The following SEMA3E variants were observed in gnomAD, a reference collection of about 807,000 sequenced individuals.
The protein encoded by SEMA3E is semaphorin 3E.
A neutral mutation model predicts 93.6 loss-of-function variants in SEMA3E; 49 were observed. The ratio of observed to expected loss-of-function variants is 0.52; its 90% confidence interval spans 0.42 to 0.66. The LOEUF is 0.66. Among genes scored for constraint, SEMA3E ranks in the 30% least tolerant of loss-of-function variants. SEMA3E has a pLI of 0.00. For missense variants in SEMA3E, 906 were observed against 964.8 expected, an observed-to-expected ratio of 0.94 and a Z score of 0.81; for synonymous variants, 363 against 330.7, an observed-to-expected ratio of 1.10 and a Z score of -1.06.
chr7:83,500,845 C>T (rs1790584849), intron 1 of SEMA3E, among the ~76,000 whole-genome samples: 1 of 152,070 alleles, frequency 6.6e-6, no homozygotes, highest in African/African-American at 2.4e-5. Context: ...CCTGCCTCGC[C>T]CTCCCAAAGT....
chr7:83,507,622 G>C (rs1240451409), intron 1 of SEMA3E, among the ~76,000 whole-genome samples: 1 of 151,884 alleles, frequency 6.6e-6, no homozygotes, highest in Non-Finnish European at 1.5e-5. Flanking sequence ...CTTTGCAATA[G>C]GGAAAAGAAA....
At chr7:83,465,588 T>G (rs922973691) in intron 4 of SEMA3E, among the ~76,000 whole-genome samples, 16 of 152,164 alleles carry the variant, frequency 1.1e-4, no homozygotes, top group African/African-American at 3.9e-4. Context: ...TATTAATATT[T>G]TATGGCCACT....
At position 83,380,282 on chromosome 7, in the gene SEMA3E, G is replaced by C. The variant is rs1429619815; in HGVS notation, c.1875+5012C>G. On this transcript the variant is annotated intron_variant, in intron 16 of 16. Coordinates refer to ENST00000643230, the MANE Select transcript of SEMA3E (RefSeq NM_012431.3). ...TTTCTACTAATACTGTTTAGTTCAT[G>C]TGGCACAAAATTTTTTCAATAACTA... 2.0e-5 allele frequency among the ~76,000 whole-genome samples: 3 copies of C among 151,812 alleles called. No individual in the cohort carries two copies. The South Asian group carries it at 6.2e-4, about 32-fold the overall frequency.
chr7:83,636,200 T>G (rs2115690612), intron 1 of SEMA3E, among the ~76,000 whole-genome samples: 1 of 152,240 alleles, frequency 6.6e-6, no homozygotes, highest in African/African-American at 2.4e-5. Flanking sequence ...TTTACAGATA[T>G]TTTCTGAATA....
chr7:83,375,667 G>A (rs1262456975), intron 16 of SEMA3E, among the ~76,000 whole-genome samples: 3 of 152,036 alleles, frequency 2.0e-5, no homozygotes, highest in Non-Finnish European at 4.4e-5. Flanking sequence ...GCATTACCAT[G>A]TTATCCGGTT....
At chr7:83,408,618 G>A (rs1224016280) in intron 5 of SEMA3E, 131 bp from the exon 6 acceptor site, 2 of 1,053,038 alleles carry the variant, frequency 1.9e-6, no homozygotes, top group East Asian at 5.2e-5. Flanking sequence ...TTAGGAGCAT[G>A]GATGGTATAG....
At chr7:83,447,381 A>C (rs1333519125) in intron 4 of SEMA3E, among the ~76,000 whole-genome samples, 4 of 152,030 alleles carry the variant, frequency 2.6e-5, no homozygotes, top group South Asian at 4.2e-4. Flanking sequence ...CTAAAAATAC[A>C]AAAGAAACTA....
At chr7:83,411,719 G>C (rs1182615601) in intron 5 of SEMA3E, among the ~76,000 whole-genome samples, 1 of 151,960 alleles carries the variant, frequency 6.6e-6, no homozygotes, top group African/African-American at 2.4e-5. Context: ...TATCAGAAAA[G>C]TTGTGAATCA....
At chr7:83,478,534 T>C (rs1790071373) in intron 2 of SEMA3E, among the ~76,000 whole-genome samples, 1 of 152,204 alleles carries the variant, frequency 6.6e-6, no homozygotes, top group Non-Finnish European at 1.5e-5. Flanking sequence ...GGGCTATTCA[T>C]ACAGAACATA....
intron 16 of SEMA3E, among the ~76,000 whole-genome samples, chr7:83,376,346 C>T (rs1203835047): frequency 1.3e-5 from 2 of 152,004 alleles, no homozygotes; most frequent in Non-Finnish European, 2.9e-5. Flanking sequence ...GGAGATTTTA[C>T]TTCATAATTC....
chr7:83,568,005 A>G (rs1199542253), intron 1 of SEMA3E, among the ~76,000 whole-genome samples: 1 of 151,062 alleles, frequency 6.6e-6, no homozygotes, highest in African/African-American at 2.4e-5. Context: ...TCTAATCAAG[A>G]AAAAAAAACT....
At chr7:83,574,501 C>A (rs1584340631) in intron 1 of SEMA3E, among the ~76,000 whole-genome samples, 1 of 150,352 alleles carries the variant, frequency 6.7e-6, no homozygotes, top group Non-Finnish European at 1.5e-5. Flanking sequence ...AGATTGTTTG[C>A]AAAATAGCCA....
chr7:83,387,907 A>ACATTATATATATAT, intron 14 of SEMA3E, among the ~76,000 whole-genome samples: 1 of 132,532 alleles, frequency 7.5e-6, no homozygotes, highest in African/African-American at 3.6e-5. Flanking sequence ...TATATATATA[A>ACATTATATATATAT]AATTCCAGAA....
At chr7:83,580,462 G>T (rs368617722) in intron 1 of SEMA3E, among the ~76,000 whole-genome samples, 1 of 151,790 alleles carries the variant, frequency 6.6e-6, no homozygotes, top group Non-Finnish European at 1.5e-5. Flanking sequence ...GTCATTTACT[G>T]TCTATCATGT....
intron 4 of SEMA3E, among the ~76,000 whole-genome samples, chr7:83,420,423 ACAT>A (rs1273544074): frequency 6.6e-6 from 1 of 152,174 alleles, no homozygotes; most frequent in Non-Finnish European, 1.5e-5. Flanking sequence ...CAAACTATCA[ACAT>A]CATTTTTCAC....
At chr7:83,513,960 A>G (rs913375373) in intron 1 of SEMA3E, among the ~76,000 whole-genome samples, 1 of 152,106 alleles carries the variant, frequency 6.6e-6, no homozygotes, top group African/African-American at 2.4e-5. Context: ...GGCATTCTAA[A>G]TCACAGGATG....
rs1438958333 is a variant in SEMA3E, at chr7:83,366,813, AC to A, written c.*772del. ...AATGTGTGAGAATATAATTTTTTTTACCACAAGAGGGAAGCAAAAATCTTTT... is the reference window on the plus strand; with the variant it reads ...AATGTGTGAGAATATAATTTTTTTTACACAAGAGGGAAGCAAAAATCTTTT... On this transcript the variant is annotated 3_prime_UTR_variant, in exon 17 of 17. Coordinates refer to ENST00000643230, the MANE Select transcript of SEMA3E (RefSeq NM_012431.3). 2 of 152,110 alleles carry A rather than the reference AC, an allele frequency of 1.3e-5. No individual in the cohort carries two copies. Among genetic ancestry groups the A allele is most frequent in the Non-Finnish European group, 2.9e-5 (2 of 67,984 alleles). 9.4% of individuals were successfully genotyped at this position (152,110 alleles called of 1,614,324 possible). A position where few individuals can be genotyped will look rare whatever the true frequency, so the allele number is the denominator to read the frequency against.
chr7:83,382,404 C>G (rs1055002119), intron 16 of SEMA3E, among the ~76,000 whole-genome samples: 3 of 151,940 alleles, frequency 2.0e-5, no homozygotes, highest in African/African-American at 7.2e-5. Flanking sequence ...AGGTCTGTCC[C>G]TAACTTTGTG....
chr7:83,466,573 A>C lies in SEMA3E; in HGVS notation c.365T>G (p.Leu122Trp), dbSNP rs747369095. ...AGECANYVRV[L>W]HHYNRTHLLT... ...AAGGTGTGTCCTGTTATAGTGATGC[A>C]AAACCCGAACATAATTTGCACATTC... Residue 122 changes from leucine to tryptophan, a missense_variant, in exon 4 of 17, where the codon TTG becomes TGG. Coordinates refer to ENST00000643230, the MANE Select transcript of SEMA3E (RefSeq NM_012431.3). 2 of 1,613,888 alleles carry C rather than the reference A, an allele frequency of 1.2e-6. No homozygotes were observed. Among genetic ancestry groups the C allele is most frequent in the Non-Finnish European group, 1.7e-6 (2 of 1,179,992 alleles).
Sources: gnomAD v4.1 joint callset for allele counts (sites outside exome capture counted in the v4.1 genomes callset) on GRCh38, gnomAD v4.1.1 for gene constraint, MANE v1.5 for transcripts, NCBI Gene and HGNC (gene_info 2026-07-23, HGNC 2026-07-21) for gene names.